Variants in SGCD observed in about 807,000 individuals in gnomAD.
SGCD encodes delta-sarcoglycan.
Under a neutral mutation model 36.6 loss-of-function variants are expected in SGCD, and 18 were observed. That is an observed-to-expected ratio of 0.49 (90% CI 0.34 to 0.73). The LOEUF is 0.73. Ranked by LOEUF, SGCD falls within the 30% of genes least tolerant of loss-of-function variation. The pLI, the probability that SGCD is intolerant of heterozygous loss-of-function variation, is 0.01. For missense variants in SGCD, 387 were observed against 346.7 expected (o/e 1.12, Z -0.92); for synonymous variants, 133 against 130.6 (o/e 1.02, Z -0.12).
the SGCD span, among the ~76,000 whole-genome samples, chr5:155,730,414 G>T: frequency 7.0e-6 from 1 of 143,570 alleles, no homozygotes; most frequent in Non-Finnish European, 1.5e-5. Context: ...GAGGTATTTA[G>T]AGATGGATGT....
At chr5:156,260,539 A>G (rs1223392448) in intron 3 of SGCD, among the ~76,000 whole-genome samples, 1 of 152,156 alleles carries the variant, frequency 6.6e-6, no homozygotes, top group Non-Finnish European at 1.5e-5. Context: ...GTTAGTAAAT[A>G]TTGATATTAT....
intron 3 of SGCD, among the ~76,000 whole-genome samples, chr5:156,136,633 AC>A (rs1044433471): frequency 2.6e-5 from 4 of 152,228 alleles, no homozygotes; most frequent in Non-Finnish European, 5.9e-5. Context: ...TAATGTGCAC[AC>A]ATAAAGACAG....
chr5:155,896,141 C>G (rs1756248099), intron 1 of SGCD, among the ~76,000 whole-genome samples: 1 of 152,118 alleles, frequency 6.6e-6, no homozygotes, highest in African/African-American at 2.4e-5. Flanking sequence ...TTTATTATAT[C>G]TCTCTTGATT....
intron 6 of SGCD, among the ~76,000 whole-genome samples, chr5:156,619,355 A>T (rs1762154927): frequency 6.6e-6 from 1 of 152,132 alleles, no homozygotes; most frequent in Non-Finnish European, 1.5e-5. Context: ...TTAACAAGGG[A>T]GGGAGATGGT....
At chr5:156,671,727 AATACCTGAG>A (rs776182380) in intron 7 of SGCD, among the ~76,000 whole-genome samples, 1 of 152,198 alleles carries the variant, frequency 6.6e-6, no homozygotes, top group Non-Finnish European at 1.5e-5. Flanking sequence ...GTCATAAAGG[AATACCTGAG>A]ATTGAGTAAT....
intron 1 of SGCD, among the ~76,000 whole-genome samples, chr5:155,906,906 A>G (rs180950545): frequency 3.2e-5 from 4 of 126,966 alleles, no homozygotes; most frequent in Admixed American, 1.1e-4. Context: ...TTCAATGCAT[A>G]TGAAACAGCC....
chr5:156,448,220 C>T (rs62382691), intron 3 of SGCD, among the ~76,000 whole-genome samples: 17,470 of 152,162 alleles, frequency 0.11, 1,301 homozygotes, highest in Middle Eastern at 0.24. Context: ...AAAGTTTGTC[C>T]TAATCTCTTA....
chr5:156,436,642 A>T (rs1205496953), intron 3 of SGCD, among the ~76,000 whole-genome samples: 1 of 152,226 alleles, frequency 6.6e-6, no homozygotes, highest in Admixed American at 6.5e-5. Context: ...ATCAGAATCC[A>T]CATTTCCGTG....
intron 3 of SGCD, among the ~76,000 whole-genome samples, chr5:156,204,186 A>T (rs1187830669): frequency 1.3e-5 from 2 of 152,010 alleles, no homozygotes; most frequent in African/African-American, 4.8e-5. Context: ...GTGTTACTGG[A>T]CCTGCAGCTC....
At chr5:156,715,438 C>T (rs951200051) in intron 7 of SGCD, among the ~76,000 whole-genome samples, 1 of 152,148 alleles carries the variant, frequency 6.6e-6, no homozygotes, top group African/African-American at 2.4e-5. Flanking sequence ...TGCAAATGGT[C>T]TTTTTCGGTC....
chr5:156,213,410 A>C (rs912106422), intron 3 of SGCD, among the ~76,000 whole-genome samples: 1 of 152,072 alleles, frequency 6.6e-6, no homozygotes, highest in African/African-American at 2.4e-5. Context: ...TACCATGACC[A>C]AATCATGAAT....
At chr5:156,111,045 A>C (rs1034898780) in intron 1 of SGCD, among the ~76,000 whole-genome samples, 1 of 152,206 alleles carries the variant, frequency 6.6e-6, no homozygotes, top group Admixed American at 6.5e-5. Context: ...TTAAAGAAGG[A>C]AATTAAACAA....
chr5:155,760,172 C>G, the SGCD span, among the ~76,000 whole-genome samples: 7 of 151,262 alleles, frequency 4.6e-5, no homozygotes, highest in Admixed American at 2.0e-4. Flanking sequence ...TCATCCTCAC[C>G]AACACCCTCT....
At chr5:156,634,700 A>G (rs1762760169) in intron 6 of SGCD, among the ~76,000 whole-genome samples, 2 of 152,150 alleles carry the variant, frequency 1.3e-5, no homozygotes, top group South Asian at 4.1e-4. Context: ...TGGTAGATAC[A>G]TGACGCATGT....
intron 6 of SGCD, among the ~76,000 whole-genome samples, chr5:156,636,863 C>A (rs1762841997): frequency 6.6e-6 from 1 of 152,178 alleles, no homozygotes; most frequent in Non-Finnish European, 1.5e-5. Context: ...CAGTTTACTT[C>A]TCTTTCCTTC....
chr5:156,262,879 TG>T (rs1467721488), intron 3 of SGCD, among the ~76,000 whole-genome samples: 3 of 152,066 alleles, frequency 2.0e-5, no homozygotes, highest in Non-Finnish European at 4.4e-5. Context: ...TTTCTTTTTA[TG>T]GCTGAATAGT....
chr5:155,974,566 T>A (rs1366913649), intron 1 of SGCD, among the ~76,000 whole-genome samples: 2 of 148,286 alleles, frequency 1.3e-5, no homozygotes, highest in African/African-American at 4.9e-5. Flanking sequence ...AGTGACCATG[T>A]AGTCAGCGAT....
At chr5:156,281,967 C>G (rs1166280925) in intron 3 of SGCD, among the ~76,000 whole-genome samples, 2 of 151,954 alleles carry the variant, frequency 1.3e-5, no homozygotes, top group East Asian at 3.9e-4. Context: ...GGAGGCGGAG[C>G]TTGCAGTGAG....
At chr5:156,615,474 T>C (rs1182297430) in intron 6 of SGCD, among the ~76,000 whole-genome samples, 1 of 152,198 alleles carries the variant, frequency 6.6e-6, no homozygotes, top group Admixed American at 6.5e-5. Flanking sequence ...TATGGTTTGA[T>C]GCTTAACTTT....
Sources: allele counts gnomAD v4.1 joint callset (sites outside exome capture counted in the v4.1 genomes callset), GRCh38; gene constraint gnomAD v4.1.1; transcripts MANE v1.5; gene names NCBI Gene and HGNC (gene_info 2026-07-23, HGNC 2026-07-21).